Variants in FHOD3 observed in about 807,000 individuals in gnomAD.
FHOD3 encodes the protein formin homology 2 domain containing 3, also known as FH1/FH2 domain-containing protein 3.
A neutral mutation model predicts 173.0 loss-of-function variants in FHOD3; 90 were observed. The ratio of observed to expected loss-of-function variants is 0.52; its 90% CI spans 0.44 to 0.62. The LOEUF (loss-of-function observed/expected upper bound fraction) is 0.62. Among genes scored for constraint, FHOD3 ranks in the 20% least tolerant of loss-of-function variants. The pLI is 0.00. For synonymous variants in FHOD3, 828 were observed against 823.0 expected (o/e 1.01, Z -0.10); for missense variants, 1,945 against 2,034.7 (o/e 0.96, Z 0.85).
At chr18:36,516,097 G>A (rs923028874) in intron 5 of FHOD3, among the ~76,000 whole-genome samples, 6 of 152,172 alleles carry the variant, frequency 3.9e-5, no homozygotes, top group African/African-American at 1.2e-4. Context: ...TTGTGACTTT[G>A]AACAATTTCT....
intron 1 of FHOD3, among the ~76,000 whole-genome samples, chr18:36,336,682 CAAAA>C (rs35621641): frequency 4.5e-4 from 61 of 135,800 alleles, no homozygotes; most frequent in African/African-American, 1.3e-3. Flanking sequence ...GCTAAAAATA[CAAAA>C]AAAAAAAAAA....
At chr18:36,680,541 T>C (rs1170160054) in intron 14 of FHOD3, among the ~76,000 whole-genome samples, 1 of 152,242 alleles carries the variant, frequency 6.6e-6, no homozygotes, top group Non-Finnish European at 1.5e-5. Flanking sequence ...CTAACCCCTT[T>C]CCTTATATGT....
intron 10 of FHOD3, among the ~76,000 whole-genome samples, chr18:36,645,160 G>A (rs559077619): frequency 2.0e-5 from 2 of 98,052 alleles, no homozygotes; most frequent in Admixed American, 2.2e-4. Flanking sequence ...GGATGGCTGA[G>A]TCCGGGCATG....
intron 3 of FHOD3, among the ~76,000 whole-genome samples, chr18:36,414,376 C>T (rs529783744): frequency 2.6e-5 from 4 of 152,320 alleles, no homozygotes; most frequent in Non-Finnish European, 5.9e-5. Context: ...CCATCTCTTC[C>T]TATTACTTAC....
Position 36,611,880 on chromosome 18 carries a change from T to G in FHOD3, c.814-72T>G, listed in dbSNP as rs373724041. 4.1e-6 allele frequency: 6 copies of G among 1,465,854 alleles called. No homozygotes were observed. In the African/African-American group the frequency reaches 8.5e-5, roughly 21 times the overall value. 90.8% of individuals were successfully genotyped at this position (1,465,854 alleles called of 1,614,324 possible). A position where few individuals can be genotyped will look rare whatever the true frequency, so the allele number is the denominator to read the frequency against. Reference sequence around the variant, plus strand: ...TATAACAATATGCCTGGATTAGGCATTGGAAAATGCCCTGAGAGCCTCAAG... The same window carrying G: ...TATAACAATATGCCTGGATTAGGCAGTGGAAAATGCCCTGAGAGCCTCAAG... On this transcript the variant is annotated intron_variant, in intron 8 of 28. Transcript: ENST00000590592.
chr18:36,625,406 A>G (rs2034022224), intron 9 of FHOD3, 105 bp from the exon 10 acceptor site: 9 of 1,053,234 alleles, frequency 8.5e-6, no homozygotes, highest in Non-Finnish European at 1.1e-5. Flanking sequence ...TTGCGAAGAC[A>G]GAGTTAAAAA....
intron 3 of FHOD3, among the ~76,000 whole-genome samples, chr18:36,426,151 G>A (rs35785750): frequency 0.27 from 41,352 of 151,802 alleles, 6,536 homozygotes; most frequent in East Asian, 0.48. Context: ...TGATCCGCCC[G>A]CCTCAGCCTC....
Position 36,763,608 on chromosome 18 carries a change from AATATGTGTATTATACACGTTATATATAAT to A in FHOD3, c.4624+2860_4624+2888del, listed in dbSNP as rs1242015915. Among the ~76,000 whole-genome samples the A allele has an allele frequency of 3.7e-3, 542 of 147,482 alleles. 16 individuals are homozygous for A. Among genetic ancestry groups the A allele is most frequent in the African/African-American group, 0.011 (458 of 40,436 alleles). ...TATGTGTATTATACACGTTATATAT[AATATGTGTATTATACACGTTATATATAAT>A]ATATGTGTATTATACACGTTATATA... is the stretch of plus-strand genomic sequence containing the variant. On this transcript the variant is annotated intron_variant, in intron 27 of 28. Coordinates refer to ENST00000590592, the MANE Select transcript of FHOD3 (RefSeq NM_001281740.3).
chr18:36,583,786 A>G (rs2058935776), intron 6 of FHOD3, among the ~76,000 whole-genome samples: 1 of 151,924 alleles, frequency 6.6e-6, no homozygotes, highest in Non-Finnish European at 1.5e-5. Context: ...TAAAACTATT[A>G]TCTGAGGTTT....
At chr18:36,448,366 G>A (rs2051622402) in intron 3 of FHOD3, among the ~76,000 whole-genome samples, 1 of 152,148 alleles carries the variant, frequency 6.6e-6, no homozygotes, top group Non-Finnish European at 1.5e-5. Flanking sequence ...TTGGGACTTT[G>A]CATTGTATTT....
chr18:36,332,348 G>A (rs2045062549), intron 1 of FHOD3, among the ~76,000 whole-genome samples: 6 of 152,208 alleles, frequency 3.9e-5, no homozygotes, highest in Admixed American at 3.9e-4. Context: ...GGCTCTCCTT[G>A]CAAGGCTTCT....
At chr18:36,500,361 G>A (rs1204520813) in intron 3 of FHOD3, among the ~76,000 whole-genome samples, 1 of 152,128 alleles carries the variant, frequency 6.6e-6, no homozygotes, top group Admixed American at 6.5e-5. Flanking sequence ...GGGCCACTGT[G>A]AAAAACCAGC....
intron 20 of FHOD3, among the ~76,000 whole-genome samples, chr18:36,735,450 C>G (rs573835363): frequency 6.6e-6 from 1 of 152,276 alleles, no homozygotes; most frequent in South Asian, 2.1e-4. Flanking sequence ...TAATTTGAAT[C>G]CCTATGAACT....
At chr18:36,458,642 G>A (rs1033727051) in intron 3 of FHOD3, among the ~76,000 whole-genome samples, 2 of 143,122 alleles carry the variant, frequency 1.4e-5, no homozygotes, top group Admixed American at 1.4e-4. Flanking sequence ...TACATTCATG[G>A]TTTTCTGGTT....
At chr18:36,553,721 T>A (rs1459097450) in intron 5 of FHOD3, among the ~76,000 whole-genome samples, 1 of 152,060 alleles carries the variant, frequency 6.6e-6, no homozygotes, top group Non-Finnish European at 1.5e-5. Flanking sequence ...GGAGAAAATT[T>A]TTACAATCTA....
intron 17 of FHOD3, among the ~76,000 whole-genome samples, chr18:36,694,920 A>C (rs1180533450): frequency 6.6e-6 from 1 of 152,176 alleles, no homozygotes; most frequent in Non-Finnish European, 1.5e-5. Flanking sequence ...AGCCACTGCA[A>C]AAGAATATTT....
intron 3 of FHOD3, among the ~76,000 whole-genome samples, chr18:36,490,083 G>A (rs146366502): frequency 0.013 from 1,988 of 152,198 alleles, 46 homozygotes; most frequent in African/African-American, 0.045. Flanking sequence ...TGCCTCCTCC[G>A]GGCACCTGTA....
At chr18:36,736,214 C>T (rs1269806404) in intron 20 of FHOD3, among the ~76,000 whole-genome samples, 1 of 152,226 alleles carries the variant, frequency 6.6e-6, no homozygotes, top group Non-Finnish European at 1.5e-5. Context: ...GCAGTGGTGT[C>T]TGGCAGGGAG....
chr18:36,421,070 A>T (rs1195908412), intron 3 of FHOD3, among the ~76,000 whole-genome samples: 1 of 152,018 alleles, frequency 6.6e-6, no homozygotes, highest in Non-Finnish European at 1.5e-5. Context: ...AGGTCTTAGA[A>T]TTGGCACTCG....
Sources: allele counts gnomAD v4.1 joint callset (sites outside exome capture counted in the v4.1 genomes callset), GRCh38; gene constraint gnomAD v4.1.1; transcripts MANE v1.5; gene names NCBI Gene and HGNC (gene_info 2026-07-23, HGNC 2026-07-21).